FCER2: variants seen among roughly 807,000 people sequenced by gnomAD.
The protein encoded by FCER2 is Fc epsilon receptor II.
In FCER2, 38 loss-of-function variants were observed where a neutral mutation model predicts 49.7. The ratio of observed to expected loss-of-function variants is 0.76; its 90% confidence interval spans 0.59 to 1.00. FCER2 has a LOEUF of 1.00. Among genes scored for constraint, FCER2 ranks in the 50% least tolerant of loss-of-function variants. FCER2 has a pLI of 0.00. For synonymous variants in FCER2, 163 were observed against 164.6 expected (o/e 0.99, Z 0.07); for missense variants, 425 against 419.5 (o/e 1.01, Z -0.11).
At chr19:7,690,696 A>G (rs2277992) in intron 8 of FCER2, 139 bp from the exon 9 acceptor site, 220,177 of 777,092 alleles carry the variant, frequency 0.28, 34,473 homozygotes, top group African/African-American at 0.51. Flanking sequence ...CCTAACAGAC[A>G]GCCTCACGGG....
intron 1 of FCER2, among the ~76,000 whole-genome samples, chr19:7,700,712 A>G (rs1375130762): frequency 6.6e-6 from 1 of 151,686 alleles, no homozygotes; most frequent in Non-Finnish European, 1.5e-5. Flanking sequence ...ACGGGTTTTC[A>G]CTATGTTGGC....
At chr19:7,697,506 C>G (rs1286064089) in intron 5 of FCER2, 21 bp downstream of exon 5, 1 of 1,569,294 alleles carries the variant, frequency 6.4e-7, no homozygotes, top group Non-Finnish European at 8.7e-7. Flanking sequence ...CCCTGCAACC[C>G]CAACTCCAGG....
Position 7,697,083 on chromosome 19 carries a change from G to A in FCER2, c.317-8C>T, listed in dbSNP as rs1568489996. 2 of 1,613,542 alleles carry A rather than the reference G, an allele frequency of 1.2e-6. No individual in the cohort carries two copies. The highest frequency in any genetic ancestry group is 1.7e-5 in the Admixed American group (1 of 59,960). On this transcript the variant is annotated splice_region_variant and splice_polypyrimidine_tract_variant and intron_variant, in intron 6 of 10. Coordinates refer to ENST00000597921, the MANE Select transcript of FCER2 (RefSeq NM_001220500.2). ...TCCAGGACAGCTCCAAGTCTGGTGT[G>A]TGCAGGAGCGCAGGGCTGGTCTCAG...
intron 3 of FCER2, 22 bp from the exon 4 acceptor site, chr19:7,698,431 G>C: frequency 6.3e-7 from 1 of 1,589,248 alleles, no homozygotes; most frequent in Non-Finnish European, 8.6e-7. Flanking sequence ...GAGAGAAGAG[G>C]AGTGGAGAGG....
chr19:7,698,933 G>C, intron 2 of FCER2, 79 bp from the exon 3 acceptor site: 1 of 1,441,880 alleles, frequency 6.9e-7, no homozygotes, highest in African/African-American at 1.4e-5. Flanking sequence ...ATTACCCAGA[G>C]CCCCCGACAG....
chr19:7,696,839 A>C lies in FCER2; in HGVS notation c.455T>G (p.Leu152Trp), dbSNP rs2033026429. ...CACACACTCACCGCTGGACACCTGC[A>C]ACTCCATCCTTAGCTTTGTCACCTC... ...REEVTKLRMELQVSSGFVCNT... is the reference protein window; with the variant it reads ...REEVTKLRMEWQVSSGFVCNT... Residue 152 changes from leucine to tryptophan, a missense_variant, in exon 8 of 11, where the codon TTG becomes TGG. By Grantham distance (61) the Leu-to-Trp change is moderately conservative. Transcript: ENST00000597921. 2 of 1,579,804 alleles carry C rather than the reference A, an allele frequency of 1.3e-6. No individual in the cohort carries two copies. Among genetic ancestry groups the C allele is most frequent in the Non-Finnish European group, 1.7e-6 (2 of 1,161,904 alleles).
rs2033034318 is a variant in FCER2, at chr19:7,697,046, G to A, written c.346C>T (p.Leu116Phe). Residue 116 changes from leucine (L) to phenylalanine (F), a missense_variant, in exon 7 of 11, where the codon CTT (leucine) becomes TTT (phenylalanine). Transcript: ENST00000597921. ...TTGAAGCTGCTCAGATCTGCTTGAA[G>A]CCCGTTCAGGTTCCAGGACAGCTCC... Reference protein sequence around the residue: ...DLELSWNLNGLQADLSSFKSQ... With the variant: ...DLELSWNLNGFQADLSSFKSQ... 2 of 1,611,426 alleles carry A rather than the reference G, an allele frequency of 1.2e-6. No individual in the cohort carries two copies. Among genetic ancestry groups the A allele is most frequent in the Admixed American group, 1.7e-5 (1 of 59,572 alleles).
intron 1 of FCER2, among the ~76,000 whole-genome samples, chr19:7,700,959 C>T (rs1284893835): frequency 6.6e-6 from 1 of 152,086 alleles, no homozygotes; most frequent in Non-Finnish European, 1.5e-5. Context: ...TACAGGCACC[C>T]ACCACCACAC....
In FCER2 at chr19:7,689,215, G is replaced by C. The variant is rs34694289; in HGVS notation, c.944C>G (p.Pro315Arg). Reference sequence around the variant, plus strand: ...TGCTCAAGAGTGGAGAGGGGCAGAGGGGGTGGGCAGGCGGCCGTCAGGGTC... The same window carrying C: ...TGCTCAAGAGTGGAGAGGGGCAGAGCGGGTGGGCAGGCGGCCGTCAGGGTC... ...RPDPDGRLPTPSAPLHS is the reference protein window; with the variant it reads ...RPDPDGRLPTRSAPLHS Residue 315 changes from proline to arginine, a missense_variant, in exon 11 of 11, where the codon CCC (proline) becomes CGC (arginine). Transcript: ENST00000597921. 20 of 1,612,236 alleles carry C rather than the reference G, an allele frequency of 1.2e-5. No homozygotes were observed. The highest frequency in any genetic ancestry group is 6.7e-5 in the Admixed American group (4 of 59,966).
chr19:7,690,398 C>T lies in FCER2; in HGVS notation c.621+8G>A, dbSNP rs772683395. On this transcript the variant is annotated splice_region_variant and intron_variant, in intron 9 of 10. Transcript: ENST00000597921. Reference sequence around the variant, plus strand: ...GCTGCCCACCACCTCTGCAGAGCCCCAGCCCACCTGCTCCTCCGGGCTGTG... The same window carrying T: ...GCTGCCCACCACCTCTGCAGAGCCCTAGCCCACCTGCTCCTCCGGGCTGTG... 14 of 1,613,136 alleles carry T rather than the reference C, an allele frequency of 8.7e-6. No individual in the cohort carries two copies. The highest frequency in any genetic ancestry group is 4.4e-5 in the South Asian group (4 of 91,040).
intron 1 of FCER2, among the ~76,000 whole-genome samples, chr19:7,700,646 C>G (rs1049599676): frequency 6.6e-6 from 1 of 151,760 alleles, no homozygotes; most frequent in African/African-American, 2.4e-5. Flanking sequence ...TCCCGAGTAG[C>G]TGGGACTATA....
chr19:7,700,154 AC>A, intron 1 of FCER2: 1 of 210,712 alleles, frequency 4.7e-6, no homozygotes, highest in Non-Finnish European at 9.5e-6. Flanking sequence ...GATACCAAGA[AC>A]ACCTATACTG....
chr19:7,689,232 G>A lies in FCER2; in HGVS notation c.927C>T (p.Asp309=), dbSNP rs765786679. ...GGGCAGAGGGGGTGGGCAGGCGGCC[G>A]TCAGGGTCTGGTCTTGAATCAGGTC... ...SMGPDSRPDP[D]GRLPTPSAPL... Residue 309 remains aspartate (D), a synonymous_variant, in exon 11 of 11, where the codon GAC becomes GAT. Coordinates refer to ENST00000597921, the MANE Select transcript of FCER2 (RefSeq NM_001220500.2). 19 of 1,613,210 alleles carry A rather than the reference G, an allele frequency of 1.2e-5. No individual in the cohort carries two copies. The East Asian group carries it at 2.0e-4, about 17-fold the overall frequency.
rs72558009 is a variant in FCER2 at position 7,696,717 on chromosome 19, G to T, written c.469+108C>A. 25 of 784,192 alleles carry T rather than the reference G, an allele frequency of 3.2e-5. No homozygotes were observed. The African/African-American group carries it at 4.1e-4, about 13-fold the overall frequency. The allele number at this position is 784,192 out of a possible 1,614,324, so 48.6% of individuals were successfully genotyped here. A position where few individuals can be genotyped will look rare whatever the true frequency, so the allele number is the denominator to read the frequency against. ...CCGATGACACTCGGGTCACACAAAC[G>T]TATAGACATGCTGCCTCACGTCACA... is the stretch of plus-strand genomic sequence containing the variant. On this transcript the variant is annotated intron_variant, in intron 8 of 10. Transcript: ENST00000597921.
chr19:7,693,880 C>T (rs1234190736), intron 8 of FCER2, among the ~76,000 whole-genome samples: 5 of 151,358 alleles, frequency 3.3e-5, no homozygotes, highest in African/African-American at 1.2e-4. Context: ...ATCTCCTGAC[C>T]TCATGTGATC....
intron 1 of FCER2, 58 bp from the exon 2 acceptor site, chr19:7,699,903 G>A: frequency 2.6e-6 from 2 of 776,954 alleles, no homozygotes; most frequent in Non-Finnish European, 4.4e-6. Flanking sequence ...TACCAGCACA[G>A]GATAGCATCT....
In FCER2 at chr19:7,697,509, A is replaced by G; in HGVS notation, c.253+18T>C. The G allele has an allele frequency of 6.2e-7, 1 of 1,601,384 alleles. No homozygotes were observed. Among genetic ancestry groups the G allele is most frequent in the Non-Finnish European group, 8.5e-7 (1 of 1,171,616 alleles). ...CCTCGCTTTTTCCCCTGCAACCCCAACTCCAGGAGTCACTCACACTGGGAT... is the reference window on the plus strand; with the variant it reads ...CCTCGCTTTTTCCCCTGCAACCCCAGCTCCAGGAGTCACTCACACTGGGAT... On this transcript the variant is annotated intron_variant, in intron 5 of 10. Coordinates refer to ENST00000597921, the MANE Select transcript of FCER2 (RefSeq NM_001220500.2).
In FCER2 at chr19:7,697,089, G is replaced by A. The variant is rs765042293; in HGVS notation, c.317-14C>T. The A allele has an allele frequency of 6.2e-7, 1 of 1,613,636 alleles. No homozygotes were observed. Among genetic ancestry groups the A allele is most frequent in the Non-Finnish European group, 8.5e-7 (1 of 1,179,694 alleles). On this transcript the variant is annotated splice_polypyrimidine_tract_variant and intron_variant, in intron 6 of 10. Coordinates refer to ENST00000597921, the MANE Select transcript of FCER2 (RefSeq NM_001220500.2). ...ACAGCTCCAAGTCTGGTGTGTGCAG[G>A]AGCGCAGGGCTGGTCTCAGGGAGGA...
chr19:7,689,292 C>T lies in FCER2; in HGVS notation c.867G>A (p.Thr289=), dbSNP rs750956815. The part of the protein sequence containing the change: ...AWVCDRLATC[T]PPASEGSAES... ...CCGCGGAACCTTCGCTGGCTGGCGG[C>T]GTGCATGTGGCCAGCCGGTCGCACA... The change falls in exon 11 of 11, where the codon ACG becomes ACA. Residue 289 remains threonine, a synonymous_variant. Coordinates refer to ENST00000597921, the MANE Select transcript of FCER2 (RefSeq NM_001220500.2). 1.9e-6 allele frequency: 3 copies of T among 1,613,386 alleles called. No individual in the cohort carries two copies. The highest frequency in any genetic ancestry group is 1.7e-6 in the Non-Finnish European group (2 of 1,179,814).
Sources: allele counts gnomAD v4.1 joint callset (sites outside exome capture counted in the v4.1 genomes callset), GRCh38; gene constraint gnomAD v4.1.1; transcripts MANE v1.5; gene names NCBI Gene and HGNC (gene_info 2026-07-23, HGNC 2026-07-21).